Variants in GRXCR2 observed in about 807,000 individuals in gnomAD.
GRXCR2 encodes glutaredoxin and cysteine rich domain containing 2.
GRXCR2 carries 23 observed loss-of-function variants against 24.8 expected under a neutral mutation model. The ratio of observed to expected loss-of-function variants is 0.93; its 90% CI spans 0.67 to 1.32. GRXCR2 has a LOEUF of 1.32. Among genes scored for constraint, GRXCR2 ranks in the 40% most tolerant of loss-of-function variants. The probability of loss-of-function intolerance (pLI) is 0.00; values close to 1 mark genes in which losing one functional copy is unlikely to be tolerated. For missense variants in GRXCR2, 315 were observed against 303.4 expected, an observed-to-expected ratio of 1.04 and a Z score of -0.28; for synonymous variants, 130 against 116.1, an observed-to-expected ratio of 1.12 and a Z score of -0.77.
intron 2 of GRXCR2, among the ~76,000 whole-genome samples, chr5:145,887,482 C>T (rs1435775620): frequency 2.0e-5 from 3 of 152,116 alleles, no homozygotes; most frequent in African/African-American, 7.2e-5. Context: ...TAGTACTGTA[C>T]TCAAAATGAA....
intron 2 of GRXCR2, among the ~76,000 whole-genome samples, chr5:145,922,178 A>T (rs1242044838): frequency 6.6e-6 from 1 of 152,166 alleles, no homozygotes; most frequent in East Asian, 1.9e-4. Flanking sequence ...CACTCCTGCC[A>T]CACACCCTCT....
intron 2 of GRXCR2, among the ~76,000 whole-genome samples, chr5:145,911,389 A>G (rs1757165261): frequency 2.0e-5 from 3 of 152,196 alleles, no homozygotes; most frequent in Admixed American, 6.5e-5. Flanking sequence ...AGTTGCAGCT[A>G]TGGGTCTGCA....
intron 2 of GRXCR2, among the ~76,000 whole-genome samples, chr5:145,917,747 C>T (rs1420555304): frequency 6.6e-6 from 1 of 152,140 alleles, no homozygotes; most frequent in Non-Finnish European, 1.5e-5. Context: ...AAATACCTCC[C>T]CACCACTCAC....
chr5:145,859,504 C>G lies in GRXCR2; in HGVS notation c.*229G>C. The G allele has an allele frequency of 1.7e-6, 1 of 572,056 alleles. No individual in the cohort carries two copies. Among genetic ancestry groups the G allele is most frequent in the Non-Finnish European group, 3.1e-6 (1 of 319,944 alleles). The allele number at this position is 572,056 out of a possible 1,614,324, so 35.4% of individuals were successfully genotyped here. On this transcript the variant is annotated 3_prime_UTR_variant, in exon 3 of 3. Transcript: ENST00000377976. Reference sequence around the variant, plus strand: ...CATCCTGGAAGGATAATTTTAGAACCAGTTTCAAAGCAGACTATAATTCAG... The same window carrying G: ...CATCCTGGAAGGATAATTTTAGAACGAGTTTCAAAGCAGACTATAATTCAG...
At chr5:145,903,529 CAAAA>C (rs33972911) in intron 2 of GRXCR2, among the ~76,000 whole-genome samples, 1 of 147,364 alleles carries the variant, frequency 6.8e-6, no homozygotes. Flanking sequence ...GATTCAGAGT[CAAAA>C]AAAAAAAAAG....
At chr5:145,915,089 A>C (rs1757218221) in intron 2 of GRXCR2, among the ~76,000 whole-genome samples, 1 of 152,058 alleles carries the variant, frequency 6.6e-6, no homozygotes, top group African/African-American at 2.4e-5. Flanking sequence ...ACCTACCTGA[A>C]ACCTTGAGAT....
At chr5:145,903,301 T>C (rs1757047660) in intron 2 of GRXCR2, among the ~76,000 whole-genome samples, 1 of 152,216 alleles carries the variant, frequency 6.6e-6, no homozygotes, top group Non-Finnish European at 1.5e-5. Flanking sequence ...CATATCCAAG[T>C]GTCCTGCTAG....
At chr5:145,865,116 C>G (rs1756406235) in intron 2 of GRXCR2, among the ~76,000 whole-genome samples, 1 of 152,202 alleles carries the variant, frequency 6.6e-6, no homozygotes, top group African/African-American at 2.4e-5. Flanking sequence ...TTCTTGTTCT[C>G]ATCATCTGAA....
upstream of GRXCR2, among the ~76,000 whole-genome samples, chr5:145,874,321 A>T (rs547607713): frequency 1.3e-5 from 2 of 151,574 alleles, no homozygotes; most frequent in Non-Finnish European, 2.9e-5. Context: ...CTCATGCCTC[A>T]GCCTCCCGAG....
intron 2 of GRXCR2, among the ~76,000 whole-genome samples, chr5:145,922,776 T>A (rs142924818): frequency 6.6e-6 from 1 of 152,108 alleles, no homozygotes; most frequent in African/African-American, 2.4e-5. Flanking sequence ...TAAAACATAG[T>A]CTAGCTGAGC....
At chr5:145,893,256 T>C (rs910150387) in intron 2 of GRXCR2, among the ~76,000 whole-genome samples, 3 of 152,184 alleles carry the variant, frequency 2.0e-5, no homozygotes, top group Non-Finnish European at 4.4e-5. Context: ...AACATCATAA[T>C]GACAGGATCA....
At chr5:145,904,834 C>A (rs1006744753) in intron 2 of GRXCR2, among the ~76,000 whole-genome samples, 1 of 152,224 alleles carries the variant, frequency 6.6e-6, no homozygotes, top group African/African-American at 2.4e-5. Flanking sequence ...ATGAGCCTCA[C>A]ATGCTCTGTT....
chr5:145,860,778 CTTTA>C (rs1473013194), intron 2 of GRXCR2, among the ~76,000 whole-genome samples: 2 of 152,108 alleles, frequency 1.3e-5, no homozygotes, highest in Non-Finnish European at 2.9e-5. Flanking sequence ...CAATCTGTTT[CTTTA>C]TTTATAGAAT....
intron 2 of GRXCR2, among the ~76,000 whole-genome samples, chr5:145,879,252 T>C (rs1021299856): frequency 3.3e-5 from 5 of 151,678 alleles, no homozygotes; most frequent in Non-Finnish European, 5.9e-5. Flanking sequence ...GACTGGCAAA[T>C]TGGATAAAGA....
chr5:145,866,732 G>A lies in GRXCR2; in HGVS notation c.337-4C>T, dbSNP rs762039896. The A allele has an allele frequency of 6.4e-7, 1 of 1,561,770 alleles. No homozygotes were observed. The highest frequency in any genetic ancestry group is 1.4e-5 in the African/African-American group (1 of 73,692). ...CAAAATCTATAATAGGTAGGGGCTA[G>A]AGAAATGGAGAATGAGCATGGAAAC... On this transcript the variant is annotated splice_region_variant and splice_polypyrimidine_tract_variant and intron_variant, in intron 1 of 2. Transcript: ENST00000377976.
At chr5:145,895,789 T>C (rs1756940223) in intron 2 of GRXCR2, among the ~76,000 whole-genome samples, 1 of 152,130 alleles carries the variant, frequency 6.6e-6, no homozygotes, top group South Asian at 2.1e-4. Flanking sequence ...TACTTTAAAG[T>C]TCGTATGGAA....
chr5:145,880,294 G>A (rs372818263), intron 2 of GRXCR2, among the ~76,000 whole-genome samples: 14 of 152,010 alleles, frequency 9.2e-5, no homozygotes, highest in South Asian at 4.2e-4. Context: ...TTGATAGACC[G>A]CTAGCAAGAC....
At chr5:145,881,519 A>G (rs548701968) in intron 2 of GRXCR2, among the ~76,000 whole-genome samples, 66 of 152,358 alleles carry the variant, frequency 4.3e-4, no homozygotes, top group South Asian at 2.9e-3. Flanking sequence ...GCTCAACGAA[A>G]TAAAAGAGGA....
At chr5:145,876,179 A>ATGTGTGTG (rs200140784), upstream of GRXCR2, among the ~76,000 whole-genome samples, 7 of 113,386 alleles carry the variant, frequency 6.2e-5, no homozygotes, top group African/African-American at 2.4e-4. Flanking sequence ...AAAAAATTGT[A>ATGTGTGTG]TGTGTGTGTG....
Sources: gnomAD v4.1 joint callset for allele counts (sites outside exome capture counted in the v4.1 genomes callset) on GRCh38, gnomAD v4.1.1 for gene constraint, MANE v1.5 for transcripts, NCBI Gene and HGNC (gene_info 2026-07-23, HGNC 2026-07-21) for gene names.